Variants in FSTL4 observed in about 807,000 individuals in gnomAD.
FSTL4 encodes follistatin like 4.
In FSTL4, 28 loss-of-function variants were observed where a neutral mutation model predicts 78.2. The observed-to-expected ratio is 0.36, with a 90% CI of 0.27 to 0.49. The LOEUF (loss-of-function observed/expected upper bound fraction) is 0.49. Ranked by LOEUF, FSTL4 falls within the 20% of genes least tolerant of loss-of-function variation. The pLI, the probability that FSTL4 is intolerant of heterozygous loss-of-function variation, is 0.98. For missense variants in FSTL4, 922 were observed against 1,084.9 expected, an observed-to-expected ratio of 0.85 and a Z score of 2.11; for synonymous variants, 422 against 440.5, an observed-to-expected ratio of 0.96 and a Z score of 0.53.
chr5:133,256,952 G>C (rs1448373178), intron 6 of FSTL4, among the ~76,000 whole-genome samples: 1 of 152,182 alleles, frequency 6.6e-6, no homozygotes, highest in African/African-American at 2.4e-5. Context: ...TTTTATTACA[G>C]TTTAGTTATC....
At chr5:133,272,060 C>A (rs1752779854) in intron 6 of FSTL4, among the ~76,000 whole-genome samples, 1 of 152,204 alleles carries the variant, frequency 6.6e-6, no homozygotes, top group Non-Finnish European at 1.5e-5. Context: ...TGGTACGCAA[C>A]AGTTCCAGGG....
chr5:133,447,548 CT>C (rs201145044), intron 3 of FSTL4, among the ~76,000 whole-genome samples: 2 of 151,260 alleles, frequency 1.3e-5, no homozygotes, highest in Non-Finnish European at 3.0e-5. Context: ...TTTTTCTTCT[CT>C]TTTTTTTTGA....
the FSTL4 span, among the ~76,000 whole-genome samples, chr5:133,662,999 A>G: frequency 6.6e-6 from 1 of 152,218 alleles, no homozygotes; most frequent in Non-Finnish European, 1.5e-5. Flanking sequence ...AAAAGCTTAC[A>G]TATTGTACAA....
At chr5:133,314,358 A>C (rs182237920) in intron 5 of FSTL4, among the ~76,000 whole-genome samples, 364 of 152,322 alleles carry the variant, frequency 2.4e-3, no homozygotes, top group Non-Finnish European at 1.5e-3. Flanking sequence ...CATGGGCAGC[A>C]AGCCTCCTGG....
intron 3 of FSTL4, among the ~76,000 whole-genome samples, chr5:133,493,649 C>G (rs1398242562): frequency 6.6e-6 from 1 of 152,172 alleles, no homozygotes; most frequent in Non-Finnish European, 1.5e-5. Context: ...GTGGCCCGTG[C>G]TGGGTCTGAC....
At chr5:133,399,232 C>A (rs1446064813) in intron 4 of FSTL4, among the ~76,000 whole-genome samples, 1 of 152,146 alleles carries the variant, frequency 6.6e-6, no homozygotes, top group Non-Finnish European at 1.5e-5. Context: ...AGCAACTGGT[C>A]AAGTGTTTTA....
At chr5:133,527,104 C>T (rs1286018752) in intron 3 of FSTL4, among the ~76,000 whole-genome samples, 1 of 152,198 alleles carries the variant, frequency 6.6e-6, no homozygotes. Flanking sequence ...TGCACTCATT[C>T]TCAGTCCCCA....
Position 133,273,162 on chromosome 5 carries a change from T to C in FSTL4, c.728-23586A>G, listed in dbSNP as rs113404175. 8.6e-4 allele frequency among the ~76,000 whole-genome samples: 131 copies of C among 152,348 alleles called. 1 individual carries two copies. The highest frequency in any genetic ancestry group is 2.5e-3 in the African/African-American group (106 of 41,582). On this transcript the variant is annotated intron_variant, in intron 6 of 15. Transcript: ENST00000265342. ...GAAGTGCTGTCCAATGGTATGGCAA[T>C]GCAAGCCACATATCTGATTTACATT...
the FSTL4 span, among the ~76,000 whole-genome samples, chr5:133,695,187 C>T: frequency 6.6e-6 from 1 of 152,300 alleles, no homozygotes. Flanking sequence ...TCGTCATCAT[C>T]AATGCCATCA....
At chr5:133,333,861 C>T (rs1258371997) in intron 4 of FSTL4, 1 of 152,296 alleles carries the variant, frequency 6.6e-6, no homozygotes, top group Admixed American at 6.5e-5. Context: ...TTCTTCAGGG[C>T]CCTCAGACAC....
chr5:133,824,680 G>C, the FSTL4 span, among the ~76,000 whole-genome samples: 1,504 of 152,304 alleles, frequency 9.9e-3, 37 homozygotes, highest in African/African-American at 0.035. Context: ...GCACCTGCTT[G>C]TGTACCAGCT....
chr5:133,752,423 C>T, the FSTL4 span, among the ~76,000 whole-genome samples: 1,376 of 152,086 alleles, frequency 9.0e-3, 24 homozygotes, highest in African/African-American at 0.032. Flanking sequence ...TTGAGACCAG[C>T]CTGGCCAACA....
intron 3 of FSTL4, among the ~76,000 whole-genome samples, chr5:133,489,780 T>C (rs1758219762): frequency 6.6e-6 from 1 of 151,974 alleles, no homozygotes; most frequent in Admixed American, 6.5e-5. Context: ...ATGCCCTCCC[T>C]AGGTGGTGAC....
the FSTL4 span, among the ~76,000 whole-genome samples, chr5:133,753,774 C>T: frequency 2.0e-5 from 3 of 150,376 alleles, no homozygotes; most frequent in Non-Finnish European, 3.0e-5. Flanking sequence ...CCATAACCAA[C>T]TCTCCCCATT....
the FSTL4 span, among the ~76,000 whole-genome samples, chr5:133,705,310 C>T: frequency 6.6e-6 from 1 of 152,170 alleles, no homozygotes; most frequent in Non-Finnish European, 1.5e-5. Flanking sequence ...CCACCTGCCT[C>T]GGCCTCCCAA....
chr5:133,222,063 T>A (rs1481806857), intron 11 of FSTL4, among the ~76,000 whole-genome samples: 1 of 151,958 alleles, frequency 6.6e-6, no homozygotes, highest in Non-Finnish European at 1.5e-5. Flanking sequence ...GGGCCTTGGG[T>A]CCTTGGCACC....
intron 3 of FSTL4, among the ~76,000 whole-genome samples, chr5:133,545,140 A>G (rs975561826): frequency 6.6e-6 from 1 of 152,200 alleles, no homozygotes; most frequent in African/African-American, 2.4e-5. Flanking sequence ...AATATCAACC[A>G]TGTGAGTAGA....
Position 133,603,890 on chromosome 5 carries a change from G to A in FSTL4, c.94C>T (p.Pro32Ser), listed in dbSNP as rs1286504748. 1 of 1,613,972 alleles carries A rather than the reference G, an allele frequency of 6.2e-7. No individual in the cohort carries two copies. The highest frequency in any genetic ancestry group is 8.5e-7 in the Non-Finnish European group (1 of 1,179,982). The change falls in exon 2 of 16, where the codon CCG becomes TCG. Residue 32 changes from proline to serine, a missense_variant. Coordinates refer to ENST00000265342, the MANE Select transcript of FSTL4 (RefSeq NM_015082.2). ...GWMDPGTSRG[P>S]DVGVGESQAE... is the part of the protein sequence containing the mutation. Reference sequence around the variant, plus strand: ...TGTGACTCCCCCACACCCACATCCGGGCCTCTGCTGGTTCCTGGGTCCATC... The same window carrying A: ...TGTGACTCCCCCACACCCACATCCGAGCCTCTGCTGGTTCCTGGGTCCATC...
At chr5:133,529,709 C>T (rs1373405128) in intron 3 of FSTL4, among the ~76,000 whole-genome samples, 1 of 152,180 alleles carries the variant, frequency 6.6e-6, no homozygotes, top group East Asian at 1.9e-4. Context: ...CTCTCCTAAA[C>T]AGAGGCTCAG....
Sources: gnomAD v4.1 joint callset for allele counts (sites outside exome capture counted in the v4.1 genomes callset) on GRCh38, gnomAD v4.1.1 for gene constraint, MANE v1.5 for transcripts, NCBI Gene and HGNC (gene_info 2026-07-23, HGNC 2026-07-21) for gene names.